C1QBP: variants seen among roughly 807,000 people sequenced by gnomAD.
C1QBP encodes the protein complement C1q binding protein, also known as complement component 1 Q subcomponent-binding protein, mitochondrial.
In C1QBP, 24 loss-of-function variants were observed where a neutral mutation model predicts 29.4. That is an observed-to-expected ratio of 0.82 (90% CI 0.59 to 1.15). C1QBP has a LOEUF of 1.15. Among genes scored for constraint, C1QBP ranks in the 50% most tolerant of loss-of-function variants. The probability of loss-of-function intolerance (pLI) is 0.00; values close to 1 mark genes in which losing one functional copy is unlikely to be tolerated. For missense variants in C1QBP, 337 were observed against 355.8 expected, an observed-to-expected ratio of 0.95 and a Z score of 0.43; for synonymous variants, 182 against 149.2, an observed-to-expected ratio of 1.22 and a Z score of -1.60.
chr17:5,433,498 T>A, intron 4 of C1QBP, 83 bp from the exon 5 acceptor site: 1 of 1,580,572 alleles, frequency 6.3e-7, no homozygotes, highest in South Asian at 1.1e-5. Flanking sequence ...ACTGACAGCA[T>A]GAAACTCATC....
chr17:5,435,438 C>A (rs1328068782), intron 2 of C1QBP, among the ~76,000 whole-genome samples: 7 of 152,074 alleles, frequency 4.6e-5, no homozygotes, highest in African/African-American at 1.7e-4. Flanking sequence ...ATTTGCCCTG[C>A]AAGGAAAGGA....
chr17:5,438,552 T>C (rs1916335467), intron 1 of C1QBP: 1 of 708,458 alleles, frequency 1.4e-6, no homozygotes, highest in African/African-American at 1.8e-5. Context: ...ACGATATAAC[T>C]ATGCTATTTT....
chr17:5,435,120 A>T (rs1169143410), intron 2 of C1QBP, among the ~76,000 whole-genome samples, 154 bp from the exon 3 acceptor site: 1 of 152,252 alleles, frequency 6.6e-6, no homozygotes, highest in East Asian at 1.9e-4. Context: ...GCAGAACTTC[A>T]AACTAGGCTG....
chr17:5,438,763 G>A (rs1597351201), intron 1 of C1QBP, 79 bp downstream of exon 1: 5 of 1,542,834 alleles, frequency 3.2e-6, no homozygotes, highest in South Asian at 1.2e-5. Context: ...GACCTCAGAG[G>A]TCGGTTGCAG....
At position 5,433,153 on chromosome 17, in the gene C1QBP, G is replaced by A. The variant is rs1477007730; in HGVS notation, c.711C>T (p.Asp237=). ...GGTCGGCAAGGAAATCCATTAGGTG[G>A]TCATATAAGGCCTGCAAAGAACAAT... is the stretch of plus-strand genomic sequence containing the variant. ...NTDSLDWALY[D]HLMDFLADRG... is the part of the protein sequence containing the mutation. The change falls in exon 6 of 6, where the codon GAC becomes GAT. Residue 237 remains aspartate (D), a synonymous_variant. Transcript: ENST00000225698. 1.2e-6 allele frequency: 2 copies of A among 1,613,090 alleles called. No homozygotes were observed. The highest frequency in any genetic ancestry group is 1.7e-6 in the Non-Finnish European group (2 of 1,179,788).
chr17:5,434,834 T>A (rs1350209947), intron 3 of C1QBP, 39 bp downstream of exon 3: 1 of 1,565,538 alleles, frequency 6.4e-7, no homozygotes, highest in Admixed American at 1.7e-5. Flanking sequence ...GCACAGCCTG[T>A]CAGAACTGAG....
intron 2 of C1QBP, among the ~76,000 whole-genome samples, chr17:5,437,123 G>C (rs142480078): frequency 1.4e-4 from 21 of 152,308 alleles, no homozygotes; most frequent in Non-Finnish European, 2.8e-4. Flanking sequence ...GAGGAATAAT[G>C]AGTGACTGCT....
In C1QBP at chr17:5,439,017, G is replaced by T; in HGVS notation, c.57C>A (p.Leu19=). 6.7e-7 allele frequency: 1 copy of T among 1,500,882 alleles called. No homozygotes were observed. The highest frequency in any genetic ancestry group is 8.9e-7 in the Non-Finnish European group (1 of 1,127,042). 93.0% of individuals were successfully genotyped at this position (1,500,882 alleles called of 1,614,324 possible). A position where few individuals can be genotyped will look rare whatever the true frequency, so the allele number is the denominator to read the frequency against. Residue 19 remains leucine (L), a synonymous_variant, in exon 1 of 6, where the codon CTC becomes CTA. Transcript: ENST00000225698. ...AAGGCGAGGCGGGCGCGGCAGCGCG[G>T]AGGCCGGCGACGGAGGAGCCCAGCA... The part of the protein sequence containing the change: ...PRVLGSSVAG[L]RAAAPASPFR...
chr17:5,435,732 C>T (rs1303537004), intron 2 of C1QBP, among the ~76,000 whole-genome samples: 2 of 151,974 alleles, frequency 1.3e-5, no homozygotes, highest in African/African-American at 4.8e-5. Context: ...CACCATTCCA[C>T]ACAAGAGTAC....
At position 5,439,088 on chromosome 17, in the gene C1QBP, C is replaced by G; in HGVS notation, c.-15G>C. 6.5e-7 allele frequency: 1 copy of G among 1,540,378 alleles called. No individual in the cohort carries two copies. Among genetic ancestry groups the G allele is most frequent in the African/African-American group, 1.4e-5 (1 of 71,692 alleles). On this transcript the variant is annotated 5_prime_UTR_variant, in exon 1 of 6. Transcript: ENST00000225698. ...AGAGGCAGCATCGCGGAAACGACTG[C>G]GAACACGTGCAGATGCAAAGGACAA... is the stretch of plus-strand genomic sequence containing the variant.
chr17:5,435,898 T>C (rs1265155386), intron 2 of C1QBP, among the ~76,000 whole-genome samples: 2 of 129,294 alleles, frequency 1.5e-5, no homozygotes, highest in African/African-American at 3.0e-5. Flanking sequence ...AAAAAAAAAT[T>C]AGCTGGGCGT....
At chr17:5,435,874 CAAAAAAAAA>C (rs200057698) in intron 2 of C1QBP, among the ~76,000 whole-genome samples, 12 of 105,652 alleles carry the variant, frequency 1.1e-4, no homozygotes, top group Admixed American at 5.1e-4. Context: ...CTAAAAAATA[CAAAAAAAAA>C]AAAAAAAAAA....
intron 3 of C1QBP, 101 bp downstream of exon 3, chr17:5,434,772 A>C (rs76676807): frequency 4.2e-5 from 44 of 1,058,094 alleles, no homozygotes; most frequent in Non-Finnish European, 6.0e-5. Flanking sequence ...GACTTAGAGG[A>C]ATTTTTTTTT....
chr17:5,437,724 G>A (rs924830504), intron 2 of C1QBP, among the ~76,000 whole-genome samples: 13 of 152,182 alleles, frequency 8.5e-5, no homozygotes, highest in African/African-American at 2.2e-4. Flanking sequence ...TGGGGGAGCT[G>A]ACTTAGGTCA....
rs1916175176 is a variant in C1QBP, at chr17:5,433,707, T to C, written c.538A>G (p.Lys180Glu). Residue 180 changes from lysine (K) to glutamate (E), a missense_variant, in exon 4 of 6, where the codon AAG becomes GAG. Lys to Glu is a moderately conservative substitution (Grantham distance 56, BLOSUM62 1). Coordinates refer to ENST00000225698, the MANE Select transcript of C1QBP (RefSeq NM_001212.4). ...TAATGACAGTCCAACACAAGGGCCT[T>C]CTTGCCATCATCATTCTTTATAACT... ...VEVIKNDDGK[K>E]ALVLDCHYPE... is the part of the protein sequence containing the mutation. 6.2e-7 allele frequency: 1 copy of C among 1,614,110 alleles called. No individual in the cohort carries two copies. The highest frequency in any genetic ancestry group is 1.1e-5 in the South Asian group (1 of 91,090).
Position 5,434,875 on chromosome 17 carries a change from C to T in C1QBP, c.475G>A (p.Glu159Lys). Reference protein sequence around the residue: ...PSQGQKVEEQEPELTSTPNFV... With the variant: ...PSQGQKVEEQKPELTSTPNFV... ...AGCTGATTATAGTATTAGCTTACCT[C>T]CTGTTCTTCAACCTTCTGCCCTTGC... Residue 159 changes from glutamate (E) to lysine (K), a missense_variant and splice_region_variant, in exon 3 of 6, where the codon GAG becomes AAG. Physicochemically the swap from Glu to Lys is moderately conservative, Grantham distance 56. Transcript: ENST00000225698. The T allele has an allele frequency of 1.2e-6, 2 of 1,611,642 alleles. No individual in the cohort carries two copies. The highest frequency in any genetic ancestry group is 1.7e-6 in the Non-Finnish European group (2 of 1,177,736).
Position 5,438,225 on chromosome 17 carries a change from C to A in C1QBP, c.281G>T (p.Arg94Ile), listed in dbSNP as rs755263706. Residue 94 changes from arginine to isoleucine, a missense_variant, in exon 2 of 6, where the codon AGA becomes ATA. Transcript: ENST00000225698. ...GAGGGTTTTATGCTTCTGAATTTTT[C>A]TTTCCTCCTTAATTTCATCACTCAG... ...DFLSDEIKEE[R>I]KIQKHKTLPK... The A allele has an allele frequency of 6.2e-7, 1 of 1,614,172 alleles. No homozygotes were observed. The highest frequency in any genetic ancestry group is 1.1e-5 in the South Asian group (1 of 91,080).
chr17:5,438,554 T>C (rs1805429), intron 1 of C1QBP: 60,775 of 707,792 alleles, frequency 0.086, 3,360 homozygotes, highest in East Asian at 0.2. Flanking sequence ...GATATAACTA[T>C]GCTATTTTCA....
At position 5,438,129 on chromosome 17, in the gene C1QBP, C is replaced by G; in HGVS notation, c.377G>C (p.Gly126Ala). 1.2e-6 allele frequency: 2 copies of G among 1,612,068 alleles called. No homozygotes were observed. The highest frequency in any genetic ancestry group is 8.5e-7 in the Non-Finnish European group (1 of 1,179,892). ...TCCCCAGACCAGTACTTACTTTTCC[C>G]CGGCAACTTTCCGCACTAATTTCGC... is the stretch of plus-strand genomic sequence containing the variant. Reference protein sequence around the residue: ...TEAKLVRKVAGEKITVTFNIN... With the variant: ...TEAKLVRKVAAEKITVTFNIN... The change falls in exon 2 of 6, where the codon GGG becomes GCG. Residue 126 changes from glycine to alanine, a missense_variant. Coordinates refer to ENST00000225698, the MANE Select transcript of C1QBP (RefSeq NM_001212.4).
Sources: gnomAD v4.1 joint callset for allele counts (sites outside exome capture counted in the v4.1 genomes callset) on GRCh38, gnomAD v4.1.1 for gene constraint, MANE v1.5 for transcripts, NCBI Gene and HGNC (gene_info 2026-07-23, HGNC 2026-07-21) for gene names.